Variants in MCCC2 observed in about 807,000 individuals in gnomAD.
MCCC2 encodes methylcrotonyl-CoA carboxylase subunit 2, also known as methylcrotonoyl-CoA carboxylase beta chain, mitochondrial.
In MCCC2, 52 loss-of-function variants were observed where a neutral mutation model predicts 77.2. That is an observed-to-expected ratio of 0.67 (90% CI 0.54 to 0.85). MCCC2 has a LOEUF of 0.85. Ranked by LOEUF, MCCC2 falls within the 40% of genes least tolerant of loss-of-function variation. The pLI is 0.00. For synonymous variants in MCCC2, 253 were observed against 248.4 expected (o/e 1.02, Z -0.18); for missense variants, 682 against 703.2 (o/e 0.97, Z 0.34).
Position 71,600,077 on chromosome 5 carries a change from A to T in MCCC2, c.383+317A>T, listed in dbSNP as rs150848319. Among the ~76,000 whole-genome samples the T allele has an allele frequency of 5.2e-3, 797 of 152,216 alleles. 14 individuals carry two copies. The highest frequency in any genetic ancestry group is 0.018 in the African/African-American group (757 of 41,550). The stretch of plus-strand genomic sequence containing the variant: ...CTACTTGGGAGGCTGAGGCAGGAGA[A>T]TCGCTTGAACCTGGGAGGCAGAAGT... On this transcript the variant is annotated intron_variant, in intron 4 of 16. Coordinates refer to ENST00000340941, the MANE Select transcript of MCCC2 (RefSeq NM_022132.5).
intron 10 of MCCC2, among the ~76,000 whole-genome samples, chr5:71,639,056 C>G (rs1747030854): frequency 6.6e-6 from 1 of 152,170 alleles, no homozygotes; most frequent in Non-Finnish European, 1.5e-5. Flanking sequence ...TTAAACCATG[C>G]CACAAATACG....
chr5:71,587,379 C>G lies in MCCC2; in HGVS notation c.-47C>G. The G allele has an allele frequency of 1.3e-6, 2 of 1,526,228 alleles. No homozygotes were observed. Among genetic ancestry groups the G allele is most frequent in the South Asian group, 1.2e-5 (1 of 82,818 alleles). 94.5% of individuals were successfully genotyped at this position (1,526,228 alleles called of 1,614,324 possible). ...CCAGGGAAGCGGCAGGGGAAAGCAC[C>G]GGCTCCAGGCCAGCGTGGGCCGCTC... On this transcript the variant is annotated 5_prime_UTR_variant, in exon 1 of 17. Coordinates refer to ENST00000340941, the MANE Select transcript of MCCC2 (RefSeq NM_022132.5).
At chr5:71,612,870 C>G (rs993459624) in intron 6 of MCCC2, among the ~76,000 whole-genome samples, 1 of 152,194 alleles carries the variant, frequency 6.6e-6, no homozygotes, top group Non-Finnish European at 1.5e-5. Flanking sequence ...GTGTGAGCCA[C>G]AATGCTTGGC....
At chr5:71,597,784 A>T (rs1257936622) in intron 3 of MCCC2, among the ~76,000 whole-genome samples, 1 of 152,190 alleles carries the variant, frequency 6.6e-6, no homozygotes, top group Non-Finnish European at 1.5e-5. Flanking sequence ...TACATTTTTT[A>T]AAAATGCAAA....
chr5:71,654,019 A>G (rs1747515227), intron 16 of MCCC2, among the ~76,000 whole-genome samples: 1 of 152,168 alleles, frequency 6.6e-6, no homozygotes, highest in Non-Finnish European at 1.5e-5. Context: ...TTCTTTAAAG[A>G]CAGAGTCTCA....
At chr5:71,650,534 G>A (rs1475820410) in intron 15 of MCCC2, among the ~76,000 whole-genome samples, 15 of 151,924 alleles carry the variant, frequency 9.9e-5, no homozygotes, top group Admixed American at 9.8e-4. Flanking sequence ...CCGCAATCTC[G>A]GTTCACTGCA....
At chr5:71,649,834 G>A (rs535089162) in intron 14 of MCCC2, among the ~76,000 whole-genome samples, 1 of 152,254 alleles carries the variant, frequency 6.6e-6, no homozygotes, top group East Asian at 1.9e-4. Context: ...TATTATGAAC[G>A]CTTTTATACC....
intron 16 of MCCC2, among the ~76,000 whole-genome samples, chr5:71,654,753 C>T (rs777893585): frequency 6.6e-6 from 1 of 151,472 alleles, no homozygotes; most frequent in Non-Finnish European, 1.5e-5. Flanking sequence ...GGATTACATT[C>T]AAGGCAGAAG....
chr5:71,655,109 C>T (rs1462369858), intron 16 of MCCC2, among the ~76,000 whole-genome samples: 1 of 152,228 alleles, frequency 6.6e-6, no homozygotes, highest in Non-Finnish European at 1.5e-5. Flanking sequence ...ACTGGGATTA[C>T]AGGCATGAGC....
intron 3 of MCCC2, among the ~76,000 whole-genome samples, chr5:71,597,530 GTA>G (rs1745234902): frequency 9.1e-5 from 1 of 11,024 alleles, no homozygotes; most frequent in Non-Finnish European, 3.6e-4. Context: ...TCGGCATAGG[GTA>G]GTAGTAGTGG....
chr5:71,644,019 CTGTG>C (rs1424355279), intron 12 of MCCC2, 124 bp downstream of exon 12: 1 of 1,050,196 alleles, frequency 9.5e-7, no homozygotes, highest in Non-Finnish European at 1.4e-6. Context: ...AACCAGAACA[CTGTG>C]TGCGCGGGCA....
At chr5:71,609,120 G>T (rs1745810293) in intron 6 of MCCC2, among the ~76,000 whole-genome samples, 1 of 152,124 alleles carries the variant, frequency 6.6e-6, no homozygotes, top group African/African-American at 2.4e-5. Context: ...GGCCTGCCTT[G>T]CTAGATTGTG....
intron 7 of MCCC2, among the ~76,000 whole-genome samples, chr5:71,631,832 G>A (rs1394926716): frequency 6.6e-6 from 1 of 152,152 alleles, no homozygotes. Flanking sequence ...GAGCCACCGC[G>A]CCCGGCCAGG....
rs1444136441 is a variant in MCCC2 at position 71,634,930 on chromosome 5, G to T, written c.804-13G>T. ...TTCCCTGTTCTGACAAGTTTAGTTT[G>T]CTTATTCTGTAGAAAGTCTGGAGTA... is the stretch of plus-strand genomic sequence containing the variant. On this transcript the variant is annotated splice_polypyrimidine_tract_variant and intron_variant, in intron 8 of 16. Coordinates refer to ENST00000340941, the MANE Select transcript of MCCC2 (RefSeq NM_022132.5). 1 of 1,611,850 alleles carries T rather than the reference G, an allele frequency of 6.2e-7. No homozygotes were observed. The highest frequency in any genetic ancestry group is 1.1e-5 in the South Asian group (1 of 91,036).
At chr5:71,593,089 ATTT>A (rs72536613) in intron 2 of MCCC2, 97 bp downstream of exon 2, 518 of 796,092 alleles carry the variant, frequency 6.5e-4, no homozygotes, top group Non-Finnish European at 7.3e-4. Flanking sequence ...AGCTTTTGAT[ATTT>A]TTTTTTTTTT....
At chr5:71,624,344 C>T (rs188542051) in intron 6 of MCCC2, among the ~76,000 whole-genome samples, 2 of 152,256 alleles carry the variant, frequency 1.3e-5, no homozygotes, top group East Asian at 3.9e-4. Flanking sequence ...TTTCTCTCAC[C>T]TTTGTCTTAC....
At position 71,657,684 on chromosome 5, in the gene MCCC2, C is replaced by T. The variant is rs1747622139; in HGVS notation, c.*824C>T. 1 of 152,312 alleles carries T rather than the reference C, an allele frequency of 6.6e-6. No individual in the cohort carries two copies. The highest frequency in any genetic ancestry group is 1.5e-5 in the Non-Finnish European group (1 of 68,170). The allele number at this position is 152,312 out of a possible 1,614,324, so 9.4% of individuals were successfully genotyped here. On this transcript the variant is annotated 3_prime_UTR_variant, in exon 17 of 17. Coordinates refer to ENST00000340941, the MANE Select transcript of MCCC2 (RefSeq NM_022132.5). ...TCAAGTGATCCACCCGCCTCGGCCT[C>T]CCAAAGTGCTGGGATTACAGGTGTG...
intron 7 of MCCC2, 115 bp from the exon 8 acceptor site, chr5:71,632,006 A>T: frequency 2.2e-6 from 2 of 898,092 alleles, no homozygotes; most frequent in Non-Finnish European, 3.8e-6. Context: ...AGTGTTCTTT[A>T]GTTCTATGGA....
At chr5:71,592,891 A>G in intron 1 of MCCC2, 35 bp from the exon 2 acceptor site, 1 of 1,436,404 alleles carries the variant, frequency 7.0e-7, no homozygotes, top group Non-Finnish European at 9.7e-7. Context: ...GCTTTCTAAT[A>G]TTTCTCTCCC....
Sources: allele counts gnomAD v4.1 joint callset (sites outside exome capture counted in the v4.1 genomes callset), GRCh38; gene constraint gnomAD v4.1.1; transcripts MANE v1.5; gene names NCBI Gene and HGNC (gene_info 2026-07-23, HGNC 2026-07-21).